MYOM3: variants seen among roughly 807,000 people sequenced by gnomAD.
MYOM3 encodes the protein myomesin 3.
MYOM3 carries 155 observed loss-of-function variants against 191.7 expected under a neutral mutation model. The observed-to-expected ratio is 0.81, with a 90% CI of 0.71 to 0.92. MYOM3 has a LOEUF of 0.92. Ranked by LOEUF, MYOM3 falls within the 40% of genes least tolerant of loss-of-function variation. The pLI, the probability that MYOM3 is intolerant of heterozygous loss-of-function variation, is 0.00. For missense variants in MYOM3, 1,889 were observed against 1,890.6 expected, an observed-to-expected ratio of 1.00 and a Z score of 0.02; for synonymous variants, 757 against 762.9, an observed-to-expected ratio of 0.99 and a Z score of 0.13.
At chr1:24,073,406 G>T (rs1643554271) in intron 23 of MYOM3, among the ~76,000 whole-genome samples, 2 of 152,160 alleles carry the variant, frequency 1.3e-5, no homozygotes, top group Non-Finnish European at 2.9e-5. Context: ...TGGTCCTTTA[G>T]ACGTGGTATT....
chr1:24,095,195 G>A lies in MYOM3; in HGVS notation c.791-205C>T, dbSNP rs1017015968. Among the ~76,000 whole-genome samples, 8 of 152,168 alleles carry A rather than the reference G, an allele frequency of 5.3e-5. No homozygotes were observed. The East Asian group carries it at 1.2e-3, about 22-fold the overall frequency. Reference sequence around the variant, plus strand: ...GAGCAAACATCCCAAGGCCAAGTCCGTTGGTTTTTCTGGCTTTGCCTTTCA... The same window carrying A: ...GAGCAAACATCCCAAGGCCAAGTCCATTGGTTTTTCTGGCTTTGCCTTTCA... On this transcript the variant is annotated intron_variant, in intron 8 of 36. Transcript: ENST00000374434.
intron 25 of MYOM3, among the ~76,000 whole-genome samples, chr1:24,069,222 G>C (rs57584365): frequency 0.061 from 9,336 of 152,182 alleles, 888 homozygotes; most frequent in African/African-American, 0.2. Context: ...ATGATTTGGG[G>C]GAGTAATCTA....
chr1:24,109,555 T>G (rs1009881628), intron 1 of MYOM3, among the ~76,000 whole-genome samples: 2 of 152,264 alleles, frequency 1.3e-5, no homozygotes, highest in African/African-American at 4.8e-5. Context: ...AATTATTTTG[T>G]ATCTGTGCAT....
intron 32 of MYOM3, among the ~76,000 whole-genome samples, 188 bp from the exon 33 acceptor site, chr1:24,062,297 GCATTCATT>G (rs528772201): frequency 1.3e-5 from 2 of 152,052 alleles, no homozygotes; most frequent in Non-Finnish European, 2.9e-5. Flanking sequence ...ATTCAATACT[GCATTCATT>G]CATTCATTCA....
Position 24,090,971 on chromosome 1 carries a change from T to C in MYOM3, c.1258A>G (p.Ile420Val). The change falls in exon 12 of 37, where the codon ATC becomes GTC. Residue 420 changes from isoleucine (I) to valine (V), a missense_variant. Transcript: ENST00000374434. The part of the protein sequence containing the change: ...ERCQGESGEW[I>V]ACHEAPGGTC... ...CCTCCGGGGGCCTCATGGCAGGCGA[T>C]CCATTCCCCAGACTCGCCCTGGCAC... 6.2e-7 allele frequency: 1 copy of C among 1,613,940 alleles called. No individual in the cohort carries two copies. The highest frequency in any genetic ancestry group is 8.5e-7 in the Non-Finnish European group (1 of 1,179,974).
chr1:24,081,948 T>C, intron 18 of MYOM3, 53 bp downstream of exon 18: 3 of 1,514,710 alleles, frequency 2.0e-6, no homozygotes, highest in Non-Finnish European at 2.7e-6. Context: ...CAGTGCCCTC[T>C]GGTCGCTGCT....
At chr1:24,066,758 C>A (rs563558447) in intron 28 of MYOM3, 21 of 483,382 alleles carry the variant, frequency 4.3e-5, no homozygotes, top group African/African-American at 2.9e-4. Flanking sequence ...ACCCCCTGAC[C>A]CCTCAGAACC....
chr1:24,061,861 G>A, intron 33 of MYOM3, 85 bp downstream of exon 33: 1 of 1,468,516 alleles, frequency 6.8e-7, no homozygotes, highest in Non-Finnish European at 9.4e-7. Flanking sequence ...CAAAGTGCTG[G>A]GATTACAGGA....
chr1:24,108,202 T>G (rs1476936228), intron 2 of MYOM3, 129 bp from the exon 3 acceptor site: 5 of 891,466 alleles, frequency 5.6e-6, no homozygotes, highest in Non-Finnish European at 8.5e-6. Context: ...CTCCTCATAC[T>G]GGGGTCTCAG....
At chr1:24,099,908 C>G (rs1643900408) in intron 5 of MYOM3, 133 bp from the exon 6 acceptor site, 2 of 677,222 alleles carry the variant, frequency 3.0e-6, no homozygotes, top group African/African-American at 3.6e-5. Flanking sequence ...TGCTTTGTCA[C>G]CCAGGCTGGA....
At position 24,080,106 on chromosome 1, in the gene MYOM3, A is replaced by G; in HGVS notation, c.2496T>C (p.Pro832=). The change falls in exon 20 of 37, where the codon CCT becomes CCC. Residue 832 remains proline, a synonymous_variant. Coordinates refer to ENST00000374434, the MANE Select transcript of MYOM3 (RefSeq NM_152372.4). ...WEPPLYMGAG[P]VTGYHVSFQE... The stretch of plus-strand genomic sequence containing the variant: ...GGAAACTGACGTGATAGCCTGTGAC[A>G]GGCCCAGCCCCCATATACAGTGGGG... 2 of 1,614,146 alleles carry G rather than the reference A, an allele frequency of 1.2e-6. No homozygotes were observed. The highest frequency in any genetic ancestry group is 3.3e-4 in the Middle Eastern group (2 of 6,062).
intron 10 of MYOM3, 107 bp downstream of exon 10, chr1:24,092,840 G>T: frequency 8.9e-7 from 1 of 1,124,604 alleles, no homozygotes; most frequent in Non-Finnish European, 1.2e-6. Flanking sequence ...TAGAGAAATT[G>T]AGGCCCCAAG....
chr1:24,066,353 A>G (rs1274493373), intron 28 of MYOM3: 6 of 644,308 alleles, frequency 9.3e-6, no homozygotes, highest in Non-Finnish European at 1.4e-5. Context: ...TGCCTTGAAC[A>G]TGGGCTCCCA....
chr1:24,062,920 A>G (rs1449256120), intron 32 of MYOM3, among the ~76,000 whole-genome samples: 1 of 151,922 alleles, frequency 6.6e-6, no homozygotes, highest in Non-Finnish European at 1.5e-5. Flanking sequence ...TACTCCTCCC[A>G]CTGCTAATCT....
rs1644039332 is a variant in MYOM3, at chr1:24,111,700, TCCATCACA to T, written c.-19+323_-19+330del. 6.6e-6 allele frequency among the ~76,000 whole-genome samples: 1 copy of T among 151,446 alleles called. No individual in the cohort carries two copies. Among genetic ancestry groups the T allele is most frequent in the Admixed American group, 6.6e-5 (1 of 15,208 alleles). On this transcript the variant is annotated intron_variant, in intron 1 of 36. Coordinates refer to ENST00000374434, the MANE Select transcript of MYOM3 (RefSeq NM_152372.4). This position sits in a 1 kb window ranked among gnomAD's most constrained non-coding sequence, Gnocchi z 4.7. ...TAGCCTGGCTCCCGCTTATCGCTGCTCCATCACAGGAAAGACTCCAGTTCCCAGGGCAG... is the reference window on the plus strand; with the variant it reads ...TAGCCTGGCTCCCGCTTATCGCTGCTGGAAAGACTCCAGTTCCCAGGGCAG...
chr1:24,067,327 T>TC (rs1643454168), intron 27 of MYOM3, among the ~76,000 whole-genome samples: 1 of 48,012 alleles, frequency 2.1e-5, no homozygotes, highest in African/African-American at 7.7e-5. Flanking sequence ...TTTCTTTCCT[T>TC]CTTTCTTTCT....
At chr1:24,066,950 G>T in intron 28 of MYOM3, 71 bp downstream of exon 28, 1 of 1,411,068 alleles carries the variant, frequency 7.1e-7, no homozygotes, top group South Asian at 1.3e-5. Flanking sequence ...GGCAGGGACA[G>T]CAACTGGGCT....
chr1:24,102,058 G>GCTT (rs908508720), intron 5 of MYOM3, among the ~76,000 whole-genome samples: 3 of 152,056 alleles, frequency 2.0e-5, no homozygotes, highest in African/African-American at 7.2e-5. Context: ...TGGGATGAAT[G>GCTT]CTTCTCTCTG....
At chr1:24,090,213 C>T in intron 12 of MYOM3, 95 bp from the exon 13 acceptor site, 13 of 1,007,694 alleles carry the variant, frequency 1.3e-5, no homozygotes, top group Non-Finnish European at 2.0e-5. Context: ...CTGCCCCGTC[C>T]CAGTCCTGGC....
Sources: allele counts gnomAD v4.1 joint callset (sites outside exome capture counted in the v4.1 genomes callset), GRCh38; gene constraint gnomAD v4.1.1; non-coding constraint Gnocchi (gnomAD v3.1); transcripts MANE v1.5; gene names NCBI Gene and HGNC (gene_info 2026-07-23, HGNC 2026-07-21).